PPP2R5E: variants seen among roughly 807,000 people sequenced by gnomAD.
PPP2R5E encodes protein phosphatase 2 regulatory subunit B'epsilon, also known as serine/threonine-protein phosphatase 2A 56 kDa regulatory subunit epsilon isoform.
PPP2R5E carries 4 observed loss-of-function variants against 65.3 expected under a neutral mutation model. The observed-to-expected ratio is 0.06, with a 90% CI of 0.03 to 0.14. PPP2R5E has a LOEUF of 0.14. PPP2R5E is among the 10% of genes least tolerant of loss of function. The pLI, the probability that PPP2R5E is intolerant of heterozygous loss-of-function variation, is 1.00. For synonymous variants in PPP2R5E, 183 were observed against 187.4 expected (o/e 0.98, Z 0.19); for missense variants, 274 against 556.1 (o/e 0.49, Z 5.10).
chr14:63,513,574 G>T (rs747226309), intron 2 of PPP2R5E, among the ~76,000 whole-genome samples: 1 of 152,208 alleles, frequency 6.6e-6, no homozygotes, highest in East Asian at 1.9e-4. Context: ...TGAACAGATT[G>T]TAGAGCTTGG....
intron 2 of PPP2R5E, among the ~76,000 whole-genome samples, chr14:63,481,432 G>A (rs1052926769): frequency 1.3e-5 from 2 of 149,620 alleles, no homozygotes; most frequent in Admixed American, 1.4e-4. Flanking sequence ...GGGGGCGGAG[G>A]TTGCAGTGAG....
At chr14:63,469,761 G>C (rs1296369036) in intron 2 of PPP2R5E, among the ~76,000 whole-genome samples, 3 of 152,152 alleles carry the variant, frequency 2.0e-5, no homozygotes. Context: ...AAAAGCACCT[G>C]ACAAGGAAAT....
intron 3 of PPP2R5E, among the ~76,000 whole-genome samples, chr14:63,422,729 T>TAAAA (rs567590182): frequency 2.7e-4 from 24 of 88,234 alleles, no homozygotes; most frequent in East Asian, 4.1e-4. Flanking sequence ...TCCGTCTATT[T>TAAAA]AAAAAAAAAA....
chr14:63,522,848 A>G (rs1167738365), intron 2 of PPP2R5E, among the ~76,000 whole-genome samples: 3 of 143,228 alleles, frequency 2.1e-5, no homozygotes, highest in South Asian at 2.3e-4. Flanking sequence ...CGCCCCGTCC[A>G]GGAGGGAGGT....
chr14:63,464,753 G>A (rs1033102771), intron 2 of PPP2R5E, among the ~76,000 whole-genome samples: 4 of 152,200 alleles, frequency 2.6e-5, no homozygotes, highest in African/African-American at 9.7e-5. Flanking sequence ...CAGGCACGGT[G>A]GCTCATGCCT....
At chr14:63,493,513 AG>A (rs1891390889) in intron 2 of PPP2R5E, among the ~76,000 whole-genome samples, 1 of 79,702 alleles carries the variant, frequency 1.3e-5, no homozygotes, top group South Asian at 4.2e-4. Flanking sequence ...TGGTGGGGGG[AG>A]GGGGAGGGGA....
At chr14:63,430,421 G>GCATACATACATA (rs1173499980) in intron 3 of PPP2R5E, among the ~76,000 whole-genome samples, 2 of 144,074 alleles carry the variant, frequency 1.4e-5, no homozygotes, top group African/African-American at 2.6e-5. Context: ...ATACATACAT[G>GCATACATACATA]CATACATACA....
intron 2 of PPP2R5E, among the ~76,000 whole-genome samples, chr14:63,517,257 T>C (rs1892706339): frequency 6.6e-6 from 1 of 152,148 alleles, no homozygotes. Context: ...GTAATGTAGG[T>C]GTAGTGCCCT....
chr14:63,393,434 C>G (rs753464685), intron 8 of PPP2R5E, among the ~76,000 whole-genome samples: 2 of 152,092 alleles, frequency 1.3e-5, no homozygotes, highest in Non-Finnish European at 2.9e-5. Flanking sequence ...GCGATAGGCC[C>G]GGCGCCGTGG....
At chr14:63,434,711 A>C (rs1887868233) in intron 3 of PPP2R5E, among the ~76,000 whole-genome samples, 1 of 152,194 alleles carries the variant, frequency 6.6e-6, no homozygotes, top group Non-Finnish European at 1.5e-5. Context: ...GACTCCATTT[A>C]TCTCTCAAAG....
intron 2 of PPP2R5E, among the ~76,000 whole-genome samples, chr14:63,538,544 C>G (rs1044506318): frequency 6.6e-6 from 1 of 151,884 alleles, no homozygotes; most frequent in African/African-American, 2.4e-5. Flanking sequence ...TGAGCCACCA[C>G]GCCCGGCCTC....
chr14:63,516,239 C>T (rs1892666342), intron 2 of PPP2R5E, among the ~76,000 whole-genome samples: 1 of 152,070 alleles, frequency 6.6e-6, no homozygotes, highest in African/African-American at 2.4e-5. Flanking sequence ...GAAGACATGT[C>T]AATGACGACC....
chr14:63,459,202 G>A (rs17093492), intron 2 of PPP2R5E, among the ~76,000 whole-genome samples: 45,593 of 152,076 alleles, frequency 0.3, 8,523 homozygotes, highest in African/African-American at 0.53. Flanking sequence ...AGATTGAGCC[G>A]TGATAGACTG....
chr14:63,530,262 T>C (rs1255776), intron 2 of PPP2R5E, among the ~76,000 whole-genome samples: 46,179 of 141,682 alleles, frequency 0.33, 9,625 homozygotes, highest in African/African-American at 0.61. Flanking sequence ...GACGGAGTTT[T>C]GCTCTTGTTG....
intron 5 of PPP2R5E, among the ~76,000 whole-genome samples, chr14:63,413,242 G>A (rs1886503494): frequency 6.6e-6 from 1 of 152,200 alleles, no homozygotes; most frequent in Admixed American, 6.5e-5. Flanking sequence ...TTTTGTGTAA[G>A]AAAAGCACTG....
At position 63,373,045 on chromosome 14, in the gene PPP2R5E, C is replaced by T. The variant is rs1883775266; in HGVS notation, c.*2964G>A. ...ACTGGGGATACTTCACAATGAGAAA[C>T]AGGAATGCATGCTTGATTCAAAGTA... On this transcript the variant is annotated 3_prime_UTR_variant, in exon 14 of 14. Transcript: ENST00000337537. The T allele has an allele frequency of 1.3e-5, 2 of 151,934 alleles. No homozygotes were observed. The highest frequency in any genetic ancestry group is 4.8e-5 in the African/African-American group (2 of 41,350). 9.4% of individuals were successfully genotyped at this position (151,934 alleles called of 1,614,324 possible). A position where few individuals can be genotyped will look rare whatever the true frequency, so the allele number is the denominator to read the frequency against.
At chr14:63,455,604 A>C (rs1483263165) in intron 2 of PPP2R5E, among the ~76,000 whole-genome samples, 2 of 152,186 alleles carry the variant, frequency 1.3e-5, no homozygotes. Flanking sequence ...TACAAGAACT[A>C]AATTCAGTCA....
At chr14:63,476,509 A>G (rs542865850) in intron 2 of PPP2R5E, among the ~76,000 whole-genome samples, 1 of 152,270 alleles carries the variant, frequency 6.6e-6, no homozygotes, top group Admixed American at 6.5e-5. Context: ...TTATATTATT[A>G]ATAACATATC....
At chr14:63,426,314 T>G (rs1181746998) in intron 3 of PPP2R5E, among the ~76,000 whole-genome samples, 7 of 151,908 alleles carry the variant, frequency 4.6e-5, no homozygotes, top group Admixed American at 4.6e-4. Flanking sequence ...CTCCAAAAAA[T>G]GTAAAACTGG....
Sources: gnomAD v4.1 joint callset for allele counts (sites outside exome capture counted in the v4.1 genomes callset) on GRCh38, gnomAD v4.1.1 for gene constraint, MANE v1.5 for transcripts, NCBI Gene and HGNC (gene_info 2026-07-23, HGNC 2026-07-21) for gene names.